The following GSG1L variants were observed in gnomAD, a reference collection of about 807,000 sequenced individuals.
GSG1L encodes the protein germ cell-specific gene 1-like protein.
A neutral mutation model predicts 42.1 loss-of-function variants in GSG1L; 24 were observed. That is an observed-to-expected ratio of 0.57 (90% CI 0.41 to 0.80). The LOEUF (loss-of-function observed/expected upper bound fraction) is 0.80. Ranked by LOEUF, GSG1L falls within the 30% of genes least tolerant of loss-of-function variation. The pLI is 0.00. For missense variants in GSG1L, 445 were observed against 472.2 expected, an observed-to-expected ratio of 0.94 and a Z score of 0.53; for synonymous variants, 215 against 203.5, an observed-to-expected ratio of 1.06 and a Z score of -0.48.
At chr16:27,874,561 C>G (rs2083863267) in intron 3 of GSG1L, among the ~76,000 whole-genome samples, 1 of 148,456 alleles carries the variant, frequency 6.7e-6, no homozygotes, top group African/African-American at 2.5e-5. Context: ...AACAATCCTC[C>G]CACCTCAGCC....
At chr16:27,927,135 T>C (rs1291930454) in intron 2 of GSG1L, among the ~76,000 whole-genome samples, 2 of 151,914 alleles carry the variant, frequency 1.3e-5, no homozygotes, top group Non-Finnish European at 2.9e-5. Context: ...GCAGGATCTT[T>C]TGTTTTTCTT....
At chr16:27,825,153 A>T (rs954912534) in intron 5 of GSG1L, among the ~76,000 whole-genome samples, 3 of 152,226 alleles carry the variant, frequency 2.0e-5, no homozygotes, top group Non-Finnish European at 4.4e-5. Flanking sequence ...GGAGATGGAA[A>T]TAAAAGAGCA....
At chr16:28,047,400 T>TAA (rs572999593) in intron 1 of GSG1L, among the ~76,000 whole-genome samples, 1 of 151,320 alleles carries the variant, frequency 6.6e-6, no homozygotes, top group African/African-American at 2.4e-5. Flanking sequence ...AGTAAAAGAT[T>TAA]AAAAAAAAAC....
intron 3 of GSG1L, among the ~76,000 whole-genome samples, chr16:27,861,867 C>A (rs1438811426): frequency 6.6e-6 from 1 of 152,172 alleles, no homozygotes; most frequent in Admixed American, 6.5e-5. Context: ...AATTTGGAGG[C>A]CATATTCCCT....
intron 1 of GSG1L, among the ~76,000 whole-genome samples, chr16:27,979,733 A>AAGAG (rs1555512114): frequency 1.5e-5 from 1 of 65,324 alleles, no homozygotes; most frequent in African/African-American, 5.7e-5. Flanking sequence ...GAAGGAAAGA[A>AAGAG]AAAGAAAGAA....
rs1346464583 is a variant in GSG1L at position 27,888,476 on chromosome 16, C to T, written c.398-3838G>A. On this transcript the variant is annotated intron_variant, in intron 2 of 6. Coordinates refer to ENST00000447459, the MANE Select transcript of GSG1L (RefSeq NM_001109763.2). ...TCTTTCTTTCTTTCTCTCTCTCTCT[C>T]TCTTTCCTTTCTTTCTTTCTTTCTT... Among the ~76,000 whole-genome samples, 252 of 59,962 alleles carry T rather than the reference C, an allele frequency of 4.2e-3. 19 individuals carry two copies. Among genetic ancestry groups the T allele is most frequent in the Non-Finnish European group, 5.8e-3 (161 of 27,940 alleles). The allele number at this position is 59,962 out of a possible 152,430, so 39.3% of individuals were successfully genotyped here. A position where few individuals can be genotyped will look rare whatever the true frequency, so the allele number is the denominator to read the frequency against.
chr16:27,840,210 T>G, intron 4 of GSG1L, among the ~76,000 whole-genome samples: 1 of 152,016 alleles, frequency 6.6e-6, no homozygotes, highest in Non-Finnish European at 1.5e-5. Flanking sequence ...TTTTTATTTT[T>G]TATTGTTTTA....
At chr16:28,053,506 T>C (rs205412) in intron 1 of GSG1L, among the ~76,000 whole-genome samples, 117,526 of 152,082 alleles carry the variant, frequency 0.77, 46,609 homozygotes, top group South Asian at 0.9. Context: ...GAGGGTCTGG[T>C]CTTCTTCATC....
chr16:27,817,481 C>T (rs1206011359), intron 5 of GSG1L, among the ~76,000 whole-genome samples: 2 of 152,140 alleles, frequency 1.3e-5, no homozygotes, highest in Admixed American at 1.3e-4. Context: ...AGACTCCCCC[C>T]ACCCCCTTAA....
intron 1 of GSG1L, among the ~76,000 whole-genome samples, chr16:28,052,955 A>G (rs1204193634): frequency 6.6e-6 from 1 of 152,212 alleles, no homozygotes; most frequent in African/African-American, 2.4e-5. Flanking sequence ...AGGACCACCC[A>G]GAAAGTCTCC....
At chr16:27,825,854 G>A (rs1402982442) in intron 5 of GSG1L, among the ~76,000 whole-genome samples, 3 of 152,188 alleles carry the variant, frequency 2.0e-5, no homozygotes, top group South Asian at 4.1e-4. Flanking sequence ...CTGCCGCCAT[G>A]TGAAGAAGGA....
intron 1 of GSG1L, among the ~76,000 whole-genome samples, chr16:28,062,398 A>G (rs937800394): frequency 6.6e-6 from 1 of 152,066 alleles, no homozygotes; most frequent in Non-Finnish European, 1.5e-5. Flanking sequence ...CTCGACCCGG[A>G]GTTTGCCCAG....
At chr16:27,899,373 C>G (rs1009056500) in intron 2 of GSG1L, among the ~76,000 whole-genome samples, 1 of 152,140 alleles carries the variant, frequency 6.6e-6, no homozygotes, top group Non-Finnish European at 1.5e-5. Flanking sequence ...CTCTCTGAGC[C>G]TCGATTTCCT....
intron 3 of GSG1L, among the ~76,000 whole-genome samples, chr16:27,859,855 A>G (rs1168977783): frequency 7.0e-6 from 1 of 143,154 alleles, no homozygotes; most frequent in Non-Finnish European, 1.5e-5. Flanking sequence ...TTTTTTTTTC[A>G]TTTTTGCGCA....
chr16:27,918,319 G>C (rs1385107836), intron 2 of GSG1L, among the ~76,000 whole-genome samples: 1 of 152,106 alleles, frequency 6.6e-6, no homozygotes, highest in East Asian at 1.9e-4. Flanking sequence ...ACCAGAAAAA[G>C]GGATGCTGGC....
chr16:27,963,267 G>T, intron 1 of GSG1L, 64 bp from the exon 2 acceptor site: 1 of 1,408,148 alleles, frequency 7.1e-7, no homozygotes, highest in Non-Finnish European at 1.0e-6. Flanking sequence ...AGGTTTGCCT[G>T]CTCCCATCCC....
rs11306598 is a variant in GSG1L, at chr16:27,964,323, C to CA, written c.350-1121dup. On this transcript the variant is annotated intron_variant, in intron 1 of 6. Transcript: ENST00000447459. The stretch of plus-strand genomic sequence containing the variant: ...TGGGCGACAGAGAGGGACTCTGTCT[C>CA]AAAAAAAAAAAAAAAATGTGCATAT... 1.8e-3 allele frequency among the ~76,000 whole-genome samples: 234 copies of CA among 126,534 alleles called. 4 individuals are homozygous for CA. Among genetic ancestry groups the CA allele is most frequent in the East Asian group, 0.011 (50 of 4,576 alleles). 83.0% of individuals were successfully genotyped at this position (126,534 alleles called of 152,430 possible).
intron 1 of GSG1L, among the ~76,000 whole-genome samples, chr16:27,995,942 G>A (rs1023589548): frequency 2.6e-5 from 4 of 151,466 alleles, no homozygotes; most frequent in Admixed American, 2.6e-4. Context: ...GCTCACACCT[G>A]TAATCCTAGC....
intron 2 of GSG1L, among the ~76,000 whole-genome samples, chr16:27,958,276 G>A (rs1410772080): frequency 6.6e-6 from 1 of 151,840 alleles, no homozygotes; most frequent in Non-Finnish European, 1.5e-5. Context: ...ATGGTGGTAG[G>A]TGCCTGTAAT....
Sources: allele counts gnomAD v4.1 joint callset (sites outside exome capture counted in the v4.1 genomes callset), GRCh38; gene constraint gnomAD v4.1.1; transcripts MANE v1.5; gene names NCBI Gene and HGNC (gene_info 2026-07-23, HGNC 2026-07-21).